SGCZ: variants seen among roughly 807,000 people sequenced by gnomAD.
SGCZ encodes the protein zeta-sarcoglycan.
In SGCZ, 40 loss-of-function variants were observed where a neutral mutation model predicts 41.3. The ratio of observed to expected loss-of-function variants is 0.97; its 90% confidence interval spans 0.75 to 1.26. SGCZ has a LOEUF of 1.26. Among genes scored for constraint, SGCZ ranks in the 50% most tolerant of loss-of-function variants. SGCZ has a pLI of 0.00. For synonymous variants in SGCZ, 206 were observed against 137.5 expected, an observed-to-expected ratio of 1.50 and a Z score of -3.49; for missense variants, 552 against 369.8, an observed-to-expected ratio of 1.49 and a Z score of -4.04.
intron 4 of SGCZ, among the ~76,000 whole-genome samples, chr8:14,208,377 A>T (rs2117088338): frequency 6.6e-6 from 1 of 152,354 alleles, no homozygotes; most frequent in Non-Finnish European, 1.5e-5. Flanking sequence ...GTAATTTTGG[A>T]TTCTGTGTCA....
intron 1 of SGCZ, among the ~76,000 whole-genome samples, chr8:15,034,677 AG>A (rs1260387068): frequency 6.6e-6 from 1 of 152,156 alleles, no homozygotes; most frequent in Non-Finnish European, 1.5e-5. Context: ...AATGGTTGAA[AG>A]TATAAAACCA....
At position 15,033,258 on chromosome 8, in the gene SGCZ, C is replaced by T. The variant is rs185602649; in HGVS notation, c.39+204327G>A. ...GACCTAGCCTCCAGCCCAACACCCACACACCCAAACTCCAGGTCAGCCCCA... is the reference window on the plus strand; with the variant it reads ...GACCTAGCCTCCAGCCCAACACCCATACACCCAAACTCCAGGTCAGCCCCA... On this transcript the variant is annotated intron_variant, in intron 1 of 7. Coordinates refer to ENST00000382080, the MANE Select transcript of SGCZ (RefSeq NM_139167.4). Among the ~76,000 whole-genome samples, 13 of 152,142 alleles carry T rather than the reference C, an allele frequency of 8.5e-5. 1 individual carries two copies. The highest frequency in any genetic ancestry group is 1.5e-5 in the Non-Finnish European group (1 of 67,994).
At chr8:14,689,438 T>C (rs1490160147) in intron 1 of SGCZ, among the ~76,000 whole-genome samples, 1 of 152,158 alleles carries the variant, frequency 6.6e-6, no homozygotes, top group African/African-American at 2.4e-5. Context: ...CTGTGAGAGA[T>C]TATTTACATA....
At chr8:15,075,334 T>C (rs992085789) in intron 1 of SGCZ, among the ~76,000 whole-genome samples, 1 of 152,198 alleles carries the variant, frequency 6.6e-6, no homozygotes, top group African/African-American at 2.4e-5. Context: ...ATAGAATACA[T>C]TTAAATTCCC....
intron 5 of SGCZ, among the ~76,000 whole-genome samples, chr8:14,132,332 T>C (rs1803066688): frequency 6.6e-6 from 1 of 152,208 alleles, no homozygotes; most frequent in Admixed American, 6.5e-5. Flanking sequence ...AAATAGGTAA[T>C]ATGTGTACAC....
chr8:14,528,835 A>ATT (rs138832547), intron 2 of SGCZ, among the ~76,000 whole-genome samples: 5 of 124,294 alleles, frequency 4.0e-5, no homozygotes, highest in East Asian at 2.4e-4. Context: ...GCCAAAAAAA[A>ATT]AACAAAACAA....
chr8:15,208,619 G>C (rs138220791), intron 1 of SGCZ, among the ~76,000 whole-genome samples: 9 of 152,180 alleles, frequency 5.9e-5, no homozygotes, highest in African/African-American at 2.2e-4. Flanking sequence ...AAGTCTGTAA[G>C]GTAGGAATTA....
At chr8:14,729,393 T>A (rs1810159825) in intron 1 of SGCZ, among the ~76,000 whole-genome samples, 1 of 152,162 alleles carries the variant, frequency 6.6e-6, no homozygotes, top group African/African-American at 2.4e-5. Context: ...AACCCTAAAC[T>A]TCAATAAGAC....
At chr8:14,910,515 A>G (rs1478818112) in intron 1 of SGCZ, among the ~76,000 whole-genome samples, 5 of 151,946 alleles carry the variant, frequency 3.3e-5, no homozygotes, top group Admixed American at 3.3e-4. Flanking sequence ...AACATTTGTT[A>G]AAAACATTCC....
intron 5 of SGCZ, among the ~76,000 whole-genome samples, chr8:14,129,191 C>A (rs538703165): frequency 1.3e-5 from 2 of 150,478 alleles, no homozygotes; most frequent in Non-Finnish European, 1.5e-5. Context: ...ACTAAAAATA[C>A]AAAAAAAAGC....
intron 4 of SGCZ, among the ~76,000 whole-genome samples, chr8:14,193,685 T>C (rs909516465): frequency 2.0e-5 from 3 of 151,996 alleles, no homozygotes; most frequent in African/African-American, 7.2e-5. Context: ...GCTGAGTATA[T>C]TCTGAAATAG....
At chr8:14,141,671 T>G (rs907605241) in intron 5 of SGCZ, among the ~76,000 whole-genome samples, 3 of 152,180 alleles carry the variant, frequency 2.0e-5, no homozygotes, top group Non-Finnish European at 4.4e-5. Flanking sequence ...AAACAACAGA[T>G]GCTGGAGAGG....
chr8:14,522,454 G>C (rs1026562110), intron 2 of SGCZ, among the ~76,000 whole-genome samples: 2 of 151,858 alleles, frequency 1.3e-5, no homozygotes, highest in Admixed American at 6.6e-5. Context: ...ATTTGGGTGA[G>C]GTATGATAGT....
intron 2 of SGCZ, among the ~76,000 whole-genome samples, chr8:14,474,020 A>G (rs188173513): frequency 3.9e-5 from 6 of 152,138 alleles, no homozygotes; most frequent in African/African-American, 7.2e-5. Flanking sequence ...CAAATTTTGC[A>G]TAAGTCATTC....
intron 1 of SGCZ, among the ~76,000 whole-genome samples, chr8:14,849,085 C>T (rs1803230956): frequency 6.6e-6 from 1 of 152,034 alleles, no homozygotes; most frequent in African/African-American, 2.4e-5. Flanking sequence ...AGATGTGCAA[C>T]ATCATTATTT....
intron 1 of SGCZ, among the ~76,000 whole-genome samples, chr8:14,596,866 T>A (rs1015469201): frequency 9.9e-5 from 15 of 152,186 alleles, no homozygotes; most frequent in South Asian, 4.1e-4. Context: ...AGAATTTTTT[T>A]AAGAAAAGAA....
chr8:14,338,410 A>G (rs1802575076), intron 2 of SGCZ, among the ~76,000 whole-genome samples: 1 of 152,102 alleles, frequency 6.6e-6, no homozygotes, highest in South Asian at 2.1e-4. Flanking sequence ...CAAAAATGTG[A>G]GAATGTATAG....
intron 1 of SGCZ, among the ~76,000 whole-genome samples, chr8:15,116,204 C>T (rs1350224449): frequency 5.3e-5 from 8 of 151,972 alleles, no homozygotes; most frequent in African/African-American, 1.7e-4. Flanking sequence ...AATGTAAGCT[C>T]TGTATTTAAA....
At chr8:14,137,538 G>C (rs1803237541) in intron 5 of SGCZ, among the ~76,000 whole-genome samples, 1 of 152,186 alleles carries the variant, frequency 6.6e-6, no homozygotes, top group Non-Finnish European at 1.5e-5. Context: ...GCATGCACAA[G>C]CTTCTGTAGA....
Sources: gnomAD v4.1 joint callset for allele counts (sites outside exome capture counted in the v4.1 genomes callset) on GRCh38, gnomAD v4.1.1 for gene constraint, MANE v1.5 for transcripts, NCBI Gene and HGNC (gene_info 2026-07-23, HGNC 2026-07-21) for gene names.